Variants in ARHGAP12 observed in about 807,000 individuals in gnomAD.
ARHGAP12 encodes Rho GTPase activating protein 12, also known as rho GTPase-activating protein 12.
In ARHGAP12, 64 loss-of-function variants were observed where a neutral mutation model predicts 108.6. The observed-to-expected ratio is 0.59, with a 90% CI of 0.48 to 0.73. ARHGAP12 has a LOEUF of 0.73. Ranked by LOEUF, ARHGAP12 falls within the 30% of genes least tolerant of loss-of-function variation. The probability of loss-of-function intolerance (pLI) is 0.00; values close to 1 mark genes in which losing one functional copy is unlikely to be tolerated. For missense variants in ARHGAP12, 940 were observed against 1,005.9 expected (o/e 0.93, Z 0.89); for synonymous variants, 312 against 337.2 (o/e 0.93, Z 0.82).
At chr10:31,822,888 A>G (rs2132174808) in intron 11 of ARHGAP12, among the ~76,000 whole-genome samples, 1 of 152,286 alleles carries the variant, frequency 6.6e-6, no homozygotes, top group East Asian at 1.9e-4. Context: ...GCGGAGTGCC[A>G]GTCATCTGCT....
intron 3 of ARHGAP12, among the ~76,000 whole-genome samples, chr10:31,887,953 G>A (rs550101308): frequency 1.6e-4 from 24 of 152,052 alleles, no homozygotes; most frequent in Non-Finnish European, 2.8e-4. Flanking sequence ...CACCGCGCCC[G>A]GCCTGCCCTT....
intron 6 of ARHGAP12, among the ~76,000 whole-genome samples, chr10:31,847,930 T>A (rs1339176541): frequency 6.6e-6 from 1 of 152,130 alleles, no homozygotes; most frequent in Non-Finnish European, 1.5e-5. Flanking sequence ...TTACTTGGCT[T>A]AAAATGTTGA....
intron 3 of ARHGAP12, among the ~76,000 whole-genome samples, chr10:31,882,345 C>T (rs1359474561): frequency 6.6e-6 from 1 of 151,842 alleles, no homozygotes; most frequent in African/African-American, 2.4e-5. Context: ...TACTTTTTGT[C>T]CCCAAAAGTA....
intron 3 of ARHGAP12, among the ~76,000 whole-genome samples, chr10:31,870,156 T>C (rs564405613): frequency 5.8e-4 from 89 of 152,214 alleles, no homozygotes; most frequent in African/African-American, 2.1e-3. Context: ...TTTTAAATCA[T>C]ATACAGAAAA....
intron 7 of ARHGAP12, among the ~76,000 whole-genome samples, chr10:31,842,623 T>C (rs138273839): frequency 2.0e-3 from 300 of 152,220 alleles, no homozygotes; most frequent in Non-Finnish European, 2.3e-3. Flanking sequence ...ATTGAGATTA[T>C]TTATAAAGGA....
rs769686242 is a variant in ARHGAP12, at chr10:31,854,063, T to G, written c.1089+3A>C. 1.3e-5 allele frequency: 21 copies of G among 1,599,738 alleles called. No homozygotes were observed. The highest frequency in any genetic ancestry group is 1.2e-4 in the Admixed American group (7 of 56,518). Reference sequence around the variant, plus strand: ...AACACTAGATGAGAAAAAAAGAATGTACCTTTTCATTAGTATAGTCACTGG... The same window carrying G: ...AACACTAGATGAGAAAAAAAGAATGGACCTTTTCATTAGTATAGTCACTGG... On this transcript the variant is annotated splice_donor_region_variant and intron_variant, in intron 5 of 19. Coordinates refer to ENST00000344936, the MANE Select transcript of ARHGAP12 (RefSeq NM_018287.7).
chr10:31,894,117 T>A (rs1592349139), intron 3 of ARHGAP12, among the ~76,000 whole-genome samples: 2 of 152,320 alleles, frequency 1.3e-5, no homozygotes, highest in Middle Eastern at 6.8e-3. Context: ...AAGAGCTATC[T>A]ATGACAAACC....
At chr10:31,839,254 T>G in intron 9 of ARHGAP12, 51 bp downstream of exon 9, 5 of 1,550,132 alleles carry the variant, frequency 3.2e-6, no homozygotes, top group Non-Finnish European at 4.4e-6. Flanking sequence ...TTTTACAGCA[T>G]AGAAAATGAA....
At chr10:31,831,662 AC>A in intron 10 of ARHGAP12, 76 bp downstream of exon 10, 1 of 964,748 alleles carries the variant, frequency 1.0e-6, no homozygotes, top group Non-Finnish European at 1.5e-6. Context: ...TATTGTTTAT[AC>A]TAAAATAATT....
At chr10:31,875,097 G>A (rs1837682210) in intron 3 of ARHGAP12, among the ~76,000 whole-genome samples, 1 of 151,674 alleles carries the variant, frequency 6.6e-6, no homozygotes, top group African/African-American at 2.4e-5. Flanking sequence ...ATTACTGCTG[G>A]GTTTGTTTGT....
intron 11 of ARHGAP12, among the ~76,000 whole-genome samples, chr10:31,824,346 AATAAG>A (rs1463377532): frequency 6.6e-6 from 1 of 152,196 alleles, no homozygotes; most frequent in Admixed American, 6.5e-5. Context: ...TATCAATAGT[AATAAG>A]ATGTCATTTG....
At chr10:31,885,543 G>A (rs1838158321) in intron 3 of ARHGAP12, among the ~76,000 whole-genome samples, 2 of 152,148 alleles carry the variant, frequency 1.3e-5, no homozygotes, top group African/African-American at 4.8e-5. Flanking sequence ...AAATGGCCAG[G>A]CATGGTGGCT....
At chr10:31,810,446 A>G (rs1199583034) in intron 16 of ARHGAP12, among the ~76,000 whole-genome samples, 1 of 152,204 alleles carries the variant, frequency 6.6e-6, no homozygotes, top group Non-Finnish European at 1.5e-5. Flanking sequence ...CCAAACATTC[A>G]GCAGATGCCT....
At chr10:31,845,952 T>C (rs543460043) in intron 6 of ARHGAP12, among the ~76,000 whole-genome samples, 1 of 152,212 alleles carries the variant, frequency 6.6e-6, no homozygotes. Context: ...TTATCATTAA[T>C]TGTCTGTTTC....
intron 16 of ARHGAP12, 46 bp from the exon 17 acceptor site, chr10:31,809,353 C>A: frequency 1.3e-6 from 2 of 1,551,358 alleles, no homozygotes; most frequent in South Asian, 1.1e-5. Context: ...TAAAGTACTT[C>A]TTTGCCTCTT....
chr10:31,871,883 C>T (rs1361144416), intron 3 of ARHGAP12, among the ~76,000 whole-genome samples: 1 of 152,094 alleles, frequency 6.6e-6, no homozygotes, highest in Non-Finnish European at 1.5e-5. Context: ...AAAAGATTTG[C>T]CAAAAAGGGA....
rs1331935859 is a variant in ARHGAP12 at position 31,862,696 on chromosome 10, GCACACACAGACACACACACACACACACA to G, written c.685-1066_685-1039del. Among the ~76,000 whole-genome samples the G allele has an allele frequency of 7.4e-4, 90 of 122,266 alleles. No homozygotes were observed. In the East Asian group the frequency reaches 0.018, roughly 25 times the overall value. The allele number at this position is 122,266 out of a possible 152,430, so 80.2% of individuals were successfully genotyped here. A position where few individuals can be genotyped will look rare whatever the true frequency, so the allele number is the denominator to read the frequency against. ...TAACCACCAGATGACAGTGGCGCATGCACACACAGACACACACACACACACACACACACACACACACACACACACACAC... is the reference window on the plus strand; with the variant it reads ...TAACCACCAGATGACAGTGGCGCATGCACACACACACACACACACACACAC... On this transcript the variant is annotated intron_variant, in intron 3 of 19. Coordinates refer to ENST00000344936, the MANE Select transcript of ARHGAP12 (RefSeq NM_018287.7).
chr10:31,860,885 C>T (rs1328442184), intron 4 of ARHGAP12, among the ~76,000 whole-genome samples: 1 of 151,986 alleles, frequency 6.6e-6, no homozygotes, highest in Non-Finnish European at 1.5e-5. Flanking sequence ...GGCAAGACCC[C>T]ATCTCTACAA....
chr10:31,873,531 A>G (rs1425851884), intron 3 of ARHGAP12, among the ~76,000 whole-genome samples: 1 of 152,192 alleles, frequency 6.6e-6, no homozygotes, highest in Non-Finnish European at 1.5e-5. Flanking sequence ...ATCGGCCGGC[A>G]CCAATCTGCA....
Sources: allele counts gnomAD v4.1 joint callset (sites outside exome capture counted in the v4.1 genomes callset), GRCh38; gene constraint gnomAD v4.1.1; transcripts MANE v1.5; gene names NCBI Gene and HGNC (gene_info 2026-07-23, HGNC 2026-07-21).